The following GALNT18 variants were observed in gnomAD, a reference collection of about 807,000 sequenced individuals.
The protein encoded by GALNT18 is polypeptide N-acetylgalactosaminyltransferase 18.
GALNT18 carries 44 observed loss-of-function variants against 69.5 expected under a neutral mutation model. The observed-to-expected ratio is 0.63, with a 90% confidence interval of 0.50 to 0.81. The LOEUF (loss-of-function observed/expected upper bound fraction) is 0.81, where lower values mean the gene tolerates loss of function less well. GALNT18 is among the 40% of genes least tolerant of loss of function. GALNT18 has a pLI of 0.00. For missense variants in GALNT18, 715 were observed against 810.0 expected (o/e 0.88, Z 1.42); for synonymous variants, 364 against 318.2 (o/e 1.14, Z -1.53).
At chr11:11,441,213 C>T (rs966082962) in intron 2 of GALNT18, among the ~76,000 whole-genome samples, 3 of 152,144 alleles carry the variant, frequency 2.0e-5, no homozygotes, top group African/African-American at 7.2e-5. Context: ...ATACTCTTGG[C>T]CCACAACGAA....
Position 11,404,650 on chromosome 11 carries a change from A to C in GALNT18, c.596-25386T>G, listed in dbSNP as rs2133744291. On this transcript the variant is annotated intron_variant, in intron 3 of 10. Transcript: ENST00000227756. This position sits in a 1 kb window ranked among gnomAD's most constrained non-coding sequence, Gnocchi z 4.5. ...ATTCCTCTCAAGCTTTACTGCCCGCAGCCATATTCTCATTCAAATGGGACT... is the reference window on the plus strand; with the variant it reads ...ATTCCTCTCAAGCTTTACTGCCCGCCGCCATATTCTCATTCAAATGGGACT... Among the ~76,000 whole-genome samples, 1 of 152,268 alleles carries C rather than the reference A, an allele frequency of 6.6e-6. No homozygotes were observed.
intron 3 of GALNT18, among the ~76,000 whole-genome samples, chr11:11,393,144 G>A (rs1163318582): frequency 1.3e-5 from 2 of 152,210 alleles, no homozygotes; most frequent in East Asian, 1.9e-4. Context: ...CCTCAGACTT[G>A]AAACAGCACC....
At chr11:11,574,958 T>C (rs555857641) in intron 1 of GALNT18, among the ~76,000 whole-genome samples, 16 of 152,346 alleles carry the variant, frequency 1.1e-4, no homozygotes, top group Non-Finnish European at 1.6e-4. Flanking sequence ...GTATTTTTCA[T>C]TGGTGTTCTT....
intron 1 of GALNT18, among the ~76,000 whole-genome samples, chr11:11,471,547 T>TCCCC (rs1856270402): frequency 6.6e-6 from 1 of 152,080 alleles, no homozygotes; most frequent in Non-Finnish European, 1.5e-5. Context: ...TTTCAATGCT[T>TCCCC]CCCCCTTTCC....
Position 11,341,184 on chromosome 11 carries a change from C to T in GALNT18, c.1093-180G>A, listed in dbSNP as rs189247074. ...TTCTGCTCCTATAGCAGCAGGATGG[C>T]TATGGAGTCATTAATTCATATATTG... On this transcript the variant is annotated intron_variant, in intron 6 of 10. Transcript: ENST00000227756. The surrounding 1 kb of genome is among the most constrained non-coding windows in gnomAD (Gnocchi z 6.3). Among the ~76,000 whole-genome samples, 13 of 152,254 alleles carry T rather than the reference C, an allele frequency of 8.5e-5. No individual in the cohort carries two copies. In the East Asian group the frequency reaches 2.3e-3, roughly 27 times the overall value.
intron 8 of GALNT18, among the ~76,000 whole-genome samples, chr11:11,331,826 G>C (rs73417697): frequency 6.6e-6 from 1 of 152,126 alleles, no homozygotes; most frequent in Non-Finnish European, 1.5e-5. Context: ...TAGACTGTAA[G>C]TCAGCAAAAG....
intron 3 of GALNT18, among the ~76,000 whole-genome samples, chr11:11,420,104 T>G (rs1427645925): frequency 6.6e-6 from 1 of 151,658 alleles, no homozygotes; most frequent in East Asian, 1.9e-4. Flanking sequence ...GAGAGTCGAT[T>G]AGGACTCTCA....
chr11:11,281,655 G>A (rs980470389), intron 10 of GALNT18, among the ~76,000 whole-genome samples: 39 of 152,140 alleles, frequency 2.6e-4, no homozygotes, highest in African/African-American at 8.7e-4. Flanking sequence ...CAGGAGCAGA[G>A]GTTTCTGAGA....
intron 3 of GALNT18, among the ~76,000 whole-genome samples, chr11:11,390,974 T>C (rs1398050819): frequency 6.6e-6 from 1 of 152,242 alleles, no homozygotes; most frequent in East Asian, 1.9e-4. Context: ...GCCTGGCATG[T>C]TGTGAATGCT....
chr11:11,323,494 C>A (rs1849870001), intron 9 of GALNT18, among the ~76,000 whole-genome samples: 2 of 152,244 alleles, frequency 1.3e-5, no homozygotes, highest in African/African-American at 2.4e-5. Context: ...CAATGCTCTG[C>A]CCTCCAGGTC....
chr11:11,312,360 A>G (rs1849686690), intron 9 of GALNT18, among the ~76,000 whole-genome samples: 2 of 152,212 alleles, frequency 1.3e-5, no homozygotes, highest in South Asian at 4.1e-4. Flanking sequence ...TATGTGTATT[A>G]TATACTGAAT....
chr11:11,529,374 T>A (rs1857589601), intron 1 of GALNT18, among the ~76,000 whole-genome samples: 1 of 152,198 alleles, frequency 6.6e-6, no homozygotes, highest in Admixed American at 6.5e-5. Context: ...AGTGAACCCC[T>A]CCTACCTGAC....
intron 1 of GALNT18, among the ~76,000 whole-genome samples, chr11:11,478,286 C>T (rs891776475): frequency 2.6e-5 from 4 of 152,228 alleles, no homozygotes; most frequent in Admixed American, 6.5e-5. Flanking sequence ...AGCTAGCTAA[C>T]ATGCCAATCA....
intron 1 of GALNT18, among the ~76,000 whole-genome samples, chr11:11,534,964 G>C (rs1449332961): frequency 6.6e-6 from 1 of 152,254 alleles, no homozygotes; most frequent in Non-Finnish European, 1.5e-5. Context: ...ATGGGGCAGG[G>C]AGCCAGCAGA....
chr11:11,525,780 G>T (rs761746686), intron 1 of GALNT18, among the ~76,000 whole-genome samples: 1 of 151,746 alleles, frequency 6.6e-6, no homozygotes, highest in Non-Finnish European at 1.5e-5. Context: ...GATTACAGGC[G>T]CCCGCCACCA....
At chr11:11,378,961 A>G in intron 4 of GALNT18, 120 bp downstream of exon 4, 3 of 949,470 alleles carry the variant, frequency 3.2e-6, no homozygotes, top group Non-Finnish European at 4.5e-6. Context: ...CATCTCACCT[A>G]TTCCCAGAAT....
intron 9 of GALNT18, among the ~76,000 whole-genome samples, chr11:11,298,501 C>T (rs1013896413): frequency 6.6e-6 from 1 of 152,226 alleles, no homozygotes; most frequent in Non-Finnish European, 1.5e-5. Flanking sequence ...GAGGGGCTCT[C>T]CTCGGCTGCA....
rs1433729323 is a variant in GALNT18 at position 11,587,666 on chromosome 11, C to A, written c.235+33693G>T. 6.6e-6 allele frequency among the ~76,000 whole-genome samples: 1 copy of A among 152,132 alleles called. No homozygotes were observed. Among genetic ancestry groups the A allele is most frequent in the Non-Finnish European group, 1.5e-5 (1 of 68,022 alleles). On this transcript the variant is annotated intron_variant, in intron 1 of 10. Transcript: ENST00000227756. This position sits in a 1 kb window ranked among gnomAD's most constrained non-coding sequence, Gnocchi z 4.4. ...AAAGTTATATCCTAGAGAAGTAATA[C>A]CAGTCATCAACATCAAAACCAACCT...
At chr11:11,324,896 C>T (rs1293134141) in intron 9 of GALNT18, among the ~76,000 whole-genome samples, 2 of 152,140 alleles carry the variant, frequency 1.3e-5, no homozygotes, top group Non-Finnish European at 2.9e-5. Context: ...AACACTTTTA[C>T]ACTGCTGGTG....
Sources: allele counts gnomAD v4.1 joint callset (sites outside exome capture counted in the v4.1 genomes callset), GRCh38; gene constraint gnomAD v4.1.1; non-coding constraint Gnocchi (gnomAD v3.1); transcripts MANE v1.5; gene names NCBI Gene and HGNC (gene_info 2026-07-23, HGNC 2026-07-21).